The following LRP3 variants were observed in gnomAD, a reference collection of about 807,000 sequenced individuals.
The protein encoded by LRP3 is LDL receptor related protein 3.
In LRP3, 49 loss-of-function variants were observed where a neutral mutation model predicts 58.5. The observed-to-expected ratio is 0.84, with a 90% CI of 0.67 to 1.06. The LOEUF is 1.06. Ranked by LOEUF, LRP3 falls within the 50% of genes least tolerant of loss-of-function variation. The probability of loss-of-function intolerance (pLI) is 0.00; values close to 1 mark genes in which losing one functional copy is unlikely to be tolerated. For synonymous variants in LRP3, 485 were observed against 492.2 expected, an observed-to-expected ratio of 0.99 and a Z score of 0.20; for missense variants, 1,019 against 1,134.2, an observed-to-expected ratio of 0.90 and a Z score of 1.46.
chr19:33,203,324 A>ATGTGAG (rs1568382345), intron 3 of LRP3, among the ~76,000 whole-genome samples: 1 of 140,002 alleles, frequency 7.1e-6, no homozygotes, highest in African/African-American at 3.0e-5. Context: ...GTGTGTGCAT[A>ATGTGAG]TGTGTGTGTG....
intron 2 of LRP3, among the ~76,000 whole-genome samples, chr19:33,197,601 T>G (rs184431720): frequency 2.6e-5 from 4 of 152,310 alleles, no homozygotes; most frequent in Admixed American, 2.6e-4. Flanking sequence ...TGCTCCAGCC[T>G]GGGTGACAGA....
chr19:33,206,132 C>T lies in LRP3; in HGVS notation c.1362C>T (p.Ser454=), dbSNP rs1317781600. The change falls in exon 5 of 7, where the codon TCC becomes TCT. Residue 454 remains serine, a synonymous_variant. Transcript: ENST00000253193. ...GCGCCGACGAGAAGAACTGCTTCTC[C>T]TGCCAGCCCGGCACCTTCCACTGCG... ...PDGADEKNCF[S]CQPGTFHCGT... is the part of the protein sequence containing the mutation. The T allele has an allele frequency of 2.0e-5, 32 of 1,608,860 alleles. No individual in the cohort carries two copies. The highest frequency in any genetic ancestry group is 2.7e-5 in the Non-Finnish European group (32 of 1,179,186).
intron 3 of LRP3, chr19:33,203,809 C>T (rs1362167624): frequency 6.1e-5 from 9 of 148,088 alleles, no homozygotes; most frequent in African/African-American, 2.3e-4. Flanking sequence ...GCACTGAGCC[C>T]AGAGCATGGT....
Position 33,207,308 on chromosome 19 carries a change from A to G in LRP3, c.2046A>G (p.Pro682=), listed in dbSNP as rs556306598. ...GRAPEVGPSG[P]PLPSGLRDPE... is the part of the protein sequence containing the mutation. The stretch of plus-strand genomic sequence containing the variant: ...CACCGGAGGTGGGACCTTCAGGGCC[A>G]CCCTTGCCCTCGGGCCTGCGAGACC... Residue 682 remains proline, a synonymous_variant, in exon 7 of 7, where the codon CCA becomes CCG. Transcript: ENST00000253193. The G allele has an allele frequency of 3.8e-6, 6 of 1,566,126 alleles. No homozygotes were observed. The East Asian group carries it at 1.4e-4, about 36-fold the overall frequency.
intron 4 of LRP3, 96 bp downstream of exon 4, chr19:33,204,948 C>A: frequency 8.4e-7 from 1 of 1,191,850 alleles, no homozygotes; most frequent in Non-Finnish European, 1.2e-6. Flanking sequence ...CACAGGGCCC[C>A]GGCTCCCTGT....
At position 33,207,607 on chromosome 19, in the gene LRP3, C is replaced by G; in HGVS notation, c.*32C>G. 6.8e-7 allele frequency: 1 copy of G among 1,461,820 alleles called. No homozygotes were observed. Among genetic ancestry groups the G allele is most frequent in the Non-Finnish European group, 9.5e-7 (1 of 1,056,928 alleles). 90.6% of individuals were successfully genotyped at this position (1,461,820 alleles called of 1,614,324 possible). On this transcript the variant is annotated 3_prime_UTR_variant, in exon 7 of 7. Coordinates refer to ENST00000253193, the MANE Select transcript of LRP3 (RefSeq NM_002333.4). ...GGCTCGCTGGTGACCGCCACAGCCC[C>G]GCTTTGTAACCAGGGAATACACAGT... is the stretch of plus-strand genomic sequence containing the variant.
At chr19:33,199,728 G>T (rs1170482480) in intron 2 of LRP3, among the ~76,000 whole-genome samples, 26 of 152,236 alleles carry the variant, frequency 1.7e-4, no homozygotes, top group Admixed American at 1.4e-3. Context: ...AGGCAGGGCA[G>T]CTGGCAGTTG....
In LRP3 at chr19:33,208,461, CA is replaced by C. The variant is rs1974455782; in HGVS notation, c.*887del. 1 of 256,774 alleles carries C rather than the reference CA, an allele frequency of 3.9e-6. No homozygotes were observed. The highest frequency in any genetic ancestry group is 7.6e-6 in the Non-Finnish European group (1 of 131,386). 15.9% of individuals were successfully genotyped at this position (256,774 alleles called of 1,614,324 possible). A position where few individuals can be genotyped will look rare whatever the true frequency, so the allele number is the denominator to read the frequency against. On this transcript the variant is annotated 3_prime_UTR_variant, in exon 7 of 7. Coordinates refer to ENST00000253193, the MANE Select transcript of LRP3 (RefSeq NM_002333.4). The surrounding 1 kb of genome is among the most constrained non-coding windows in gnomAD (Gnocchi z 4.7). ...GTAGGGGCGGACTGAGCTGCTACCCCATCCTCGACATCCCTTTAGGGCAGGG... is the reference window on the plus strand; with the variant it reads ...GTAGGGGCGGACTGAGCTGCTACCCCTCCTCGACATCCCTTTAGGGCAGGG...
At chr19:33,195,931 G>C (rs1407097425) in intron 1 of LRP3, among the ~76,000 whole-genome samples, 1 of 152,180 alleles carries the variant, frequency 6.6e-6, no homozygotes, top group Non-Finnish European at 1.5e-5. Context: ...GGTGGGGGCA[G>C]CGGTTCCTGC....
rs1302164487 is a variant in LRP3, at chr19:33,207,313, T to C, written c.2051T>C (p.Leu684Ser). 6.4e-7 allele frequency: 1 copy of C among 1,569,858 alleles called. No individual in the cohort carries two copies. The highest frequency in any genetic ancestry group is 1.2e-5 in the South Asian group (1 of 86,652). Residue 684 changes from leucine (L) to serine (S), a missense_variant, in exon 7 of 7, where the codon TTG becomes TCG. Coordinates refer to ENST00000253193, the MANE Select transcript of LRP3 (RefSeq NM_002333.4). ...APEVGPSGPP[L>S]PSGLRDPECR... ...GAGGTGGGACCTTCAGGGCCACCCT[T>C]GCCCTCGGGCCTGCGAGACCCAGAG...
In LRP3 at chr19:33,204,845, C is replaced by A; in HGVS notation, c.468C>A (p.Tyr156Ter). The A allele has an allele frequency of 6.2e-7, 1 of 1,613,042 alleles. No homozygotes were observed. Among genetic ancestry groups the A allele is most frequent in the Non-Finnish European group, 8.5e-7 (1 of 1,179,848 alleles). ...SGQAQGFRLS[Y>*]IRGKLGQASC... ...AGGCCCAGGGCTTCCGTCTGTCTTA[C>A]ATCCGAGGTGATGGAGGCTGCAGGG... The change falls in exon 4 of 7, where the codon TAC (tyrosine) becomes TAA (stop). Residue 156 changes from tyrosine (Y) to a stop codon, truncating the protein, a stop_gained. Coordinates refer to ENST00000253193, the MANE Select transcript of LRP3 (RefSeq NM_002333.4). LOFTEE classifies it high-confidence loss of function.
Position 33,207,574 on chromosome 19 carries a change from G to A in LRP3, c.2312G>A (p.Ter771=). The A allele has an allele frequency of 6.3e-7, 1 of 1,598,806 alleles. No homozygotes were observed. The highest frequency in any genetic ancestry group is 8.5e-7 in the Non-Finnish European group (1 of 1,176,020). The change falls in exon 7 of 7, where the codon TGA becomes TAA. Residue 771 remains the stop codon, a stop_retained_variant. Coordinates refer to ENST00000253193, the MANE Select transcript of LRP3 (RefSeq NM_002333.4). ...ASDDEALLVC[*] ...GATGATGAGGCCCTGTTGGTCTGTT[G>A]ACCGCTGGGCTCGCTGGTGACCGCC...
chr19:33,198,571 C>T (rs1400266401), intron 2 of LRP3, among the ~76,000 whole-genome samples: 2 of 152,204 alleles, frequency 1.3e-5, no homozygotes, highest in Non-Finnish European at 2.9e-5. Context: ...GAAACATTCC[C>T]CCAGCCCCTT....
intron 2 of LRP3, among the ~76,000 whole-genome samples, chr19:33,201,459 G>C (rs912158061): frequency 1.3e-5 from 2 of 152,152 alleles, no homozygotes; most frequent in Non-Finnish European, 2.9e-5. Flanking sequence ...GGCAGGGAGG[G>C]GGCTGGCGCT....
Position 33,194,824 on chromosome 19 carries a change from G to T in LRP3, c.39G>T (p.Pro13=). The change falls in exon 1 of 7, where the codon CCG becomes CCT. Residue 13 remains proline (P), a synonymous_variant. Transcript: ENST00000253193. ...KRAAAGLEGA[P]GARAQLAVVC... is the part of the protein sequence containing the mutation. The stretch of plus-strand genomic sequence containing the variant: ...CGGCCGCGGGGCTGGAGGGCGCGCC[G>T]GGCGCCCGGGCGCAGCTGGCCGTCG... The T allele has an allele frequency of 9.2e-7, 1 of 1,092,128 alleles. No individual in the cohort carries two copies. Among genetic ancestry groups the T allele is most frequent in the Non-Finnish European group, 1.1e-6 (1 of 899,982 alleles). The allele number at this position is 1,092,128 out of a possible 1,614,324, so 67.7% of individuals were successfully genotyped here.
Position 33,205,784 on chromosome 19 carries a change from C to A in LRP3, c.1014C>A (p.Ala338=), listed in dbSNP as rs571752445. ...RSNHRPVSLE[A]AQGRLTVAYH... ...ACCACCGGCCCGTGAGCCTGGAGGC[C>A]GCCCAGGGCCGCCTCACTGTGGCCT... is the stretch of plus-strand genomic sequence containing the variant. Residue 338 remains alanine (A), a synonymous_variant, in exon 5 of 7, where the codon GCC becomes GCA. Coordinates refer to ENST00000253193, the MANE Select transcript of LRP3 (RefSeq NM_002333.4). 3.0e-5 allele frequency: 47 copies of A among 1,584,108 alleles called. No homozygotes were observed. Among genetic ancestry groups the A allele is most frequent in the Non-Finnish European group, 3.9e-5 (45 of 1,168,016 alleles).
intron 2 of LRP3, among the ~76,000 whole-genome samples, chr19:33,202,205 A>G (rs1407986111): frequency 2.0e-5 from 3 of 152,254 alleles, no homozygotes; most frequent in East Asian, 3.9e-4. Flanking sequence ...GATCAGATCC[A>G]GGTGGCGTTT....
intron 1 of LRP3, 28 bp from the exon 2 acceptor site, chr19:33,196,702 C>A (rs761029352): frequency 1.2e-6 from 2 of 1,613,014 alleles, no homozygotes; most frequent in East Asian, 4.5e-5. Flanking sequence ...ATGTGGGACC[C>A]CTGACCCTTT....
Position 33,205,812 on chromosome 19 carries a change from C to T in LRP3, c.1042C>T (p.His348Tyr), listed in dbSNP as rs774292363. ...AAQGRLTVAY[H>Y]ARARSAGHGF... ...CCAGGGCCGCCTCACTGTGGCCTAC[C>T]ACGCGCGCGCCCGCAGCGCCGGCCA... Residue 348 changes from histidine (H) to tyrosine (Y), a missense_variant, in exon 5 of 7, where the codon CAC (histidine) becomes TAC (tyrosine). His to Tyr is a moderately conservative substitution (Grantham distance 83). Around this residue, in one of 2 missense-constraint regions of LRP3, gnomAD observed 592 missense variants for 725.5 expected, o/e 0.82. Transcript: ENST00000253193. The T allele has an allele frequency of 5.7e-6, 9 of 1,585,202 alleles. No homozygotes were observed. In the South Asian group the frequency reaches 6.8e-5, roughly 12 times the overall value.
Sources: gnomAD v4.1 joint callset for allele counts (sites outside exome capture counted in the v4.1 genomes callset) on GRCh38, gnomAD v4.1.1 for gene constraint, gnomAD v4.1.1 regional missense constraint, Gnocchi (gnomAD v3.1) non-coding constraint, MANE v1.5 for transcripts, NCBI Gene and HGNC (gene_info 2026-07-23, HGNC 2026-07-21) for gene names.